Variants in PPFIA2 observed in about 807,000 individuals in gnomAD.
PPFIA2 encodes the protein liprin-alpha-2.
In PPFIA2, 46 loss-of-function variants were observed where a neutral mutation model predicts 175.5. That is an observed-to-expected ratio of 0.26 (90% CI 0.21 to 0.34). PPFIA2 has a LOEUF of 0.34. PPFIA2 is among the 10% of genes least tolerant of loss of function. PPFIA2 has a pLI of 1.00. For synonymous variants in PPFIA2, 568 were observed against 511.4 expected (o/e 1.11, Z -1.49); for missense variants, 1,179 against 1,506.1 (o/e 0.78, Z 3.60).
chr12:81,496,709 T>C (rs1456749742), intron 4 of PPFIA2, among the ~76,000 whole-genome samples: 1 of 152,176 alleles, frequency 6.6e-6, no homozygotes, highest in African/African-American at 2.4e-5. Context: ...CCCTCTGGGA[T>C]AGAATGGGAA....
At chr12:81,637,222 A>G (rs2064197118) in intron 4 of PPFIA2, among the ~76,000 whole-genome samples, 1 of 133,958 alleles carries the variant, frequency 7.5e-6, no homozygotes. Flanking sequence ...GGCATGCGCT[A>G]CCACGCCAGG....
chr12:81,382,471 G>T (rs1595869420), intron 9 of PPFIA2, among the ~76,000 whole-genome samples: 1 of 152,166 alleles, frequency 6.6e-6, no homozygotes, highest in Non-Finnish European at 1.5e-5. Flanking sequence ...TGAGCAGGAA[G>T]ACCAGGAAAC....
chr12:81,295,046 G>A lies in PPFIA2; in HGVS notation c.2725-11C>T. The A allele has an allele frequency of 6.2e-7, 1 of 1,608,548 alleles. No homozygotes were observed. The highest frequency in any genetic ancestry group is 8.5e-7 in the Non-Finnish European group (1 of 1,177,568). On this transcript the variant is annotated splice_polypyrimidine_tract_variant and intron_variant, in intron 23 of 32. Transcript: ENST00000549396. ...CATTCCCAACCAAAGCTGTTAGATAGGAAAAAATACACTAACAAATTATAA... is the reference window on the plus strand; with the variant it reads ...CATTCCCAACCAAAGCTGTTAGATAAGAAAAAATACACTAACAAATTATAA...
At position 81,493,612 on chromosome 12, in the gene PPFIA2, GA is replaced by G. The variant is rs574022037; in HGVS notation, c.304-35747del. ...GGGGGCAACAGCCTGGGAAGATACA[GA>G]AGAGAAAAATTGGAGATAATGGGCA... On this transcript the variant is annotated intron_variant, in intron 4 of 32. Coordinates refer to ENST00000549396, the MANE Select transcript of PPFIA2 (RefSeq NM_003625.5). Among the ~76,000 whole-genome samples the G allele has an allele frequency of 1.2e-3, 182 of 151,858 alleles. 2 individuals are homozygous for G. The highest frequency in any genetic ancestry group is 4.2e-3 in the African/African-American group (176 of 41,442).
intron 11 of PPFIA2, among the ~76,000 whole-genome samples, chr12:81,370,689 G>A (rs2034855443): frequency 6.6e-6 from 1 of 151,884 alleles, no homozygotes; most frequent in Non-Finnish European, 1.5e-5. Flanking sequence ...ATGTCTTGGA[G>A]GTGACCGTCA....
chr12:81,521,660 A>G (rs936628193), intron 4 of PPFIA2, among the ~76,000 whole-genome samples: 1 of 150,986 alleles, frequency 6.6e-6, no homozygotes, highest in African/African-American at 2.4e-5. Flanking sequence ...ACAAAAAAAA[A>G]AAAAAAAAAA....
Position 81,616,851 on chromosome 12 carries a change from T to C in PPFIA2, c.303+59940A>G, listed in dbSNP as rs2061463569. Among the ~76,000 whole-genome samples, 6 of 152,308 alleles carry C rather than the reference T, an allele frequency of 3.9e-5. No individual in the cohort carries two copies. In the South Asian group the frequency reaches 8.3e-4, roughly 21 times the overall value. ...TAGACAGCATTATACACACTGGCAG[T>C]CACAGTCATGCAAAATTAATATTAA... On this transcript the variant is annotated intron_variant, in intron 4 of 32. Transcript: ENST00000549396.
intron 4 of PPFIA2, among the ~76,000 whole-genome samples, chr12:81,664,458 A>G (rs2153554371): frequency 6.6e-6 from 1 of 152,286 alleles, no homozygotes; most frequent in East Asian, 1.9e-4. Flanking sequence ...ACTGGCCATC[A>G]GAGAAATGCA....
At chr12:81,585,577 GATC>G (rs1428547770) in intron 4 of PPFIA2, among the ~76,000 whole-genome samples, 4 of 151,714 alleles carry the variant, frequency 2.6e-5, no homozygotes, top group Non-Finnish European at 5.9e-5. Context: ...AGAGGCTCAT[GATC>G]ATCACCACCA....
chr12:81,653,612 C>G (rs1305363658), intron 4 of PPFIA2, among the ~76,000 whole-genome samples: 2 of 152,006 alleles, frequency 1.3e-5, no homozygotes, highest in African/African-American at 4.8e-5. Flanking sequence ...AGGGCCCAAC[C>G]TAAATCCAGG....
chr12:81,440,152 T>C (rs1442161027), intron 6 of PPFIA2, 106 bp from the exon 7 acceptor site: 2 of 719,990 alleles, frequency 2.8e-6, no homozygotes, highest in African/African-American at 1.9e-5. Context: ...GGCAAATTAT[T>C]AAAGTATTTA....
intron 4 of PPFIA2, among the ~76,000 whole-genome samples, chr12:81,636,106 A>G (rs1453174581): frequency 6.6e-6 from 1 of 152,164 alleles, no homozygotes; most frequent in Non-Finnish European, 1.5e-5. Context: ...GTGAAAGAAT[A>G]TGGAAATATG....
chr12:81,316,248 C>T (rs1055926072), intron 22 of PPFIA2, among the ~76,000 whole-genome samples: 4 of 151,408 alleles, frequency 2.6e-5, no homozygotes, highest in African/African-American at 9.7e-5. Context: ...TCATGAATGG[C>T]TCATTTGAAA....
intron 4 of PPFIA2, among the ~76,000 whole-genome samples, chr12:81,586,872 T>C (rs937684037): frequency 5.3e-5 from 8 of 151,914 alleles, no homozygotes; most frequent in African/African-American, 1.7e-4. Context: ...AATCTTGAAA[T>C]AAATTATGCT....
chr12:81,275,040 G>A (rs1461430856), intron 28 of PPFIA2, among the ~76,000 whole-genome samples: 1 of 152,150 alleles, frequency 6.6e-6, no homozygotes, highest in Non-Finnish European at 1.5e-5. Context: ...AATCTAATTG[G>A]ATAAAAATAC....
At chr12:81,644,240 T>C (rs918568809) in intron 4 of PPFIA2, among the ~76,000 whole-genome samples, 3 of 152,032 alleles carry the variant, frequency 2.0e-5, no homozygotes, top group Non-Finnish European at 4.4e-5. Context: ...TGCATTACTA[T>C]ATTCTATTGT....
At chr12:81,507,170 T>C (rs1256856489) in intron 4 of PPFIA2, among the ~76,000 whole-genome samples, 1 of 152,208 alleles carries the variant, frequency 6.6e-6, no homozygotes, top group Non-Finnish European at 1.5e-5. Flanking sequence ...TAAGACTATA[T>C]GATATTTTTA....
intron 4 of PPFIA2, among the ~76,000 whole-genome samples, chr12:81,660,862 T>C (rs2066614720): frequency 6.6e-6 from 1 of 152,206 alleles, no homozygotes. Flanking sequence ...GCAGAAACTC[T>C]ACAAGCCAGA....
chr12:81,539,378 G>T (rs1160422239), intron 4 of PPFIA2, among the ~76,000 whole-genome samples: 2 of 151,892 alleles, frequency 1.3e-5, no homozygotes, highest in African/African-American at 4.8e-5. Context: ...AATAACCAAG[G>T]TCTGCATTTG....
Sources: gnomAD v4.1 joint callset for allele counts (sites outside exome capture counted in the v4.1 genomes callset) on GRCh38, gnomAD v4.1.1 for gene constraint, MANE v1.5 for transcripts, NCBI Gene and HGNC (gene_info 2026-07-23, HGNC 2026-07-21) for gene names.